CCNJL: variants seen among roughly 807,000 people sequenced by gnomAD.
CCNJL encodes cyclin-J-like protein.
In CCNJL, 33 loss-of-function variants were observed where a neutral mutation model predicts 33.4. That is an observed-to-expected ratio of 0.99 (90% CI 0.75 to 1.32). The LOEUF (loss-of-function observed/expected upper bound fraction) is 1.32, where lower values mean the gene tolerates loss of function less well. Among genes scored for constraint, CCNJL ranks in the 40% most tolerant of loss-of-function variants. CCNJL has a pLI of 0.00. For synonymous variants in CCNJL, 227 were observed against 220.9 expected, an observed-to-expected ratio of 1.03 and a Z score of -0.24; for missense variants, 512 against 499.7, an observed-to-expected ratio of 1.02 and a Z score of -0.23.
rs576946259 is a variant in CCNJL at position 160,253,326 on chromosome 5, C to T, written c.*52G>A. Reference sequence around the variant, plus strand: ...TTGGCTGAGCTCTCCTCTTCAGTGTCCTCTTCCTCTGCCCACATCTCCAAG... The same window carrying T: ...TTGGCTGAGCTCTCCTCTTCAGTGTTCTCTTCCTCTGCCCACATCTCCAAG... On this transcript the variant is annotated 3_prime_UTR_variant, in exon 6 of 6. Coordinates refer to ENST00000257536, the MANE Select transcript of CCNJL (RefSeq NM_001308173.3). The T allele has an allele frequency of 2.0e-6, 3 of 1,514,860 alleles. No homozygotes were observed. Among genetic ancestry groups the T allele is most frequent in the African/African-American group, 1.4e-5 (1 of 72,404 alleles). The allele number at this position is 1,514,860 out of a possible 1,614,324, so 93.8% of individuals were successfully genotyped here. A position where few individuals can be genotyped will look rare whatever the true frequency, so the allele number is the denominator to read the frequency against.
At chr5:160,257,254 T>C (rs1761106921) in intron 4 of CCNJL, among the ~76,000 whole-genome samples, 1 of 151,884 alleles carries the variant, frequency 6.6e-6, no homozygotes, top group African/African-American at 2.4e-5. Context: ...GAGGGGCAGA[T>C]CACGAGGTCA....
At chr5:160,271,075 T>C (rs372737776) in intron 3 of CCNJL, among the ~76,000 whole-genome samples, 2 of 152,208 alleles carry the variant, frequency 1.3e-5, no homozygotes, top group South Asian at 2.1e-4. Context: ...ACACACTCCT[T>C]GAAGACAATC....
intron 3 of CCNJL, chr5:160,276,232 T>G (rs562462595): frequency 6.8e-6 from 1 of 147,062 alleles, no homozygotes; most frequent in African/African-American, 2.5e-5. Flanking sequence ...TTGCCTCTAC[T>G]AAGGATACAA....
intron 2 of CCNJL, among the ~76,000 whole-genome samples, chr5:160,298,402 A>C (rs987639585): frequency 6.6e-6 from 1 of 152,068 alleles, no homozygotes; most frequent in Non-Finnish European, 1.5e-5. Context: ...CAGGAAGGCA[A>C]TTTGCGGGCT....
At chr5:160,322,128 C>A (rs146776417) in intron 1 of CCNJL, among the ~76,000 whole-genome samples, 1 of 152,144 alleles carries the variant, frequency 6.6e-6, no homozygotes. Context: ...TGCTGATGGA[C>A]TAGATGTGAG....
At chr5:160,294,523 TACC>T (rs1762688412) in intron 2 of CCNJL, among the ~76,000 whole-genome samples, 1 of 152,132 alleles carries the variant, frequency 6.6e-6, no homozygotes, top group Non-Finnish European at 1.5e-5. Flanking sequence ...GCAAACTCTG[TACC>T]AGGCCCAGCC....
intron 2 of CCNJL, among the ~76,000 whole-genome samples, chr5:160,304,044 C>A (rs1046238460): frequency 6.6e-6 from 1 of 152,178 alleles, no homozygotes; most frequent in Non-Finnish European, 1.5e-5. Flanking sequence ...CCATTTTCTC[C>A]CTGGGACACC....
chr5:160,265,051 CA>C (rs1761514393), intron 3 of CCNJL, among the ~76,000 whole-genome samples: 1 of 152,152 alleles, frequency 6.6e-6, no homozygotes, highest in South Asian at 2.1e-4. Context: ...AAACTTAAAA[CA>C]AAAAGGTAAC....
chr5:160,309,310 T>C (rs1763192581), intron 2 of CCNJL, among the ~76,000 whole-genome samples: 1 of 152,222 alleles, frequency 6.6e-6, no homozygotes, highest in Non-Finnish European at 1.5e-5. Flanking sequence ...CCCTGTAGTA[T>C]GATGCCAGAC....
chr5:160,253,861 TCTAC>T, intron 5 of CCNJL, 63 bp from the exon 6 acceptor site: 2 of 1,313,508 alleles, frequency 1.5e-6, no homozygotes, highest in South Asian at 1.5e-5. Context: ...TGTGTGTGTC[TCTAC>T]CTGTCTTGCT....
At chr5:160,272,488 A>C (rs1343229077) in intron 3 of CCNJL, among the ~76,000 whole-genome samples, 1 of 152,230 alleles carries the variant, frequency 6.6e-6, no homozygotes, top group East Asian at 1.9e-4. Context: ...GGATAGGGAA[A>C]GGCAGAAATG....
At chr5:160,330,627 G>A (rs1763594447) in intron 1 of CCNJL, among the ~76,000 whole-genome samples, 1 of 151,906 alleles carries the variant, frequency 6.6e-6, no homozygotes, top group South Asian at 2.1e-4. Context: ...TTAGCTCCTG[G>A]CTCATGATCA....
chr5:160,261,478 A>T (rs921567893), intron 3 of CCNJL: 1 of 152,282 alleles, frequency 6.6e-6, no homozygotes. Flanking sequence ...CGAAGTACAC[A>T]CTTTCTTGTC....
intron 1 of CCNJL, among the ~76,000 whole-genome samples, chr5:160,320,871 CTCTTTCTT>C (rs1206025758): frequency 1.4e-4 from 10 of 71,010 alleles, no homozygotes; most frequent in Admixed American, 3.1e-4. Flanking sequence ...CTTTCTTTCT[CTCTTTCTT>C]TCTTTTTCTT....
At chr5:160,291,036 T>TAAAAAAAAAAAAAAAA (rs1177369719) in intron 2 of CCNJL, among the ~76,000 whole-genome samples, 1 of 57,540 alleles carries the variant, frequency 1.7e-5, no homozygotes, top group Non-Finnish European at 3.0e-5. Context: ...CGTCTTTACT[T>TAAAAAAAAAAAAAAAA]AAAAAAAAAA....
intron 1 of CCNJL, among the ~76,000 whole-genome samples, chr5:160,329,663 C>A (rs1763583054): frequency 2.0e-5 from 3 of 152,080 alleles, no homozygotes; most frequent in Admixed American, 2.0e-4. Flanking sequence ...CTTTAACCCT[C>A]TAAGGAAAGT....
intron 3 of CCNJL, among the ~76,000 whole-genome samples, chr5:160,277,711 T>C (rs1329532283): frequency 2.0e-5 from 3 of 150,236 alleles, no homozygotes; most frequent in African/African-American, 4.9e-5. Flanking sequence ...TGTAGGTAGG[T>C]GAGAAAATCC....
At chr5:160,269,390 G>A (rs74970095) in intron 3 of CCNJL, 1 of 456,458 alleles carries the variant, frequency 2.2e-6, no homozygotes. Context: ...TCGTACGGAG[G>A]ATAGGAGTTA....
intron 1 of CCNJL, chr5:160,339,372 C>A (rs13360090): frequency 0.49 from 144,837 of 297,376 alleles, 34,566 homozygotes; most frequent in Non-Finnish European, 0.52. Context: ...AAAAAAAAAA[C>A]AAAAAAAAAC....
Sources: gnomAD v4.1 joint callset for allele counts (sites outside exome capture counted in the v4.1 genomes callset) on GRCh38, gnomAD v4.1.1 for gene constraint, MANE v1.5 for transcripts, NCBI Gene and HGNC (gene_info 2026-07-23, HGNC 2026-07-21) for gene names.